LPP: variants seen among roughly 807,000 people sequenced by gnomAD.
LPP encodes lipoma-preferred partner.
A neutral mutation model predicts 60.4 loss-of-function variants in LPP; 38 were observed. The ratio of observed to expected loss-of-function variants is 0.63; its 90% CI spans 0.49 to 0.83. The LOEUF (loss-of-function observed/expected upper bound fraction) is 0.83. LPP is among the 40% of genes least tolerant of loss of function. The pLI is 0.00. For synonymous variants in LPP, 328 were observed against 290.8 expected (o/e 1.13, Z -1.30); for missense variants, 902 against 783.6 (o/e 1.15, Z -1.80).
Position 188,638,921 on chromosome 3 carries a change from G to A in LPP, c.1113+29077G>A, listed in dbSNP as rs552110924. The stretch of plus-strand genomic sequence containing the variant: ...CTCATGGATAAGAAGAATCAATATT[G>A]TGAAAATGGCCATACTGCCCAAGGT... On this transcript the variant is annotated intron_variant, in intron 7 of 11. Coordinates refer to ENST00000617246, the MANE Select transcript of LPP (RefSeq NM_001375462.1). Among the ~76,000 whole-genome samples the A allele has an allele frequency of 2.2e-4, 33 of 152,248 alleles. No homozygotes were observed. In the East Asian group the frequency reaches 5.4e-3, roughly 25 times the overall value.
chr3:188,258,158 A>G (rs1732299178), intron 2 of LPP, among the ~76,000 whole-genome samples: 1 of 152,198 alleles, frequency 6.6e-6, no homozygotes. Context: ...GAGACCTGAA[A>G]AGGAACTGGT....
At chr3:188,349,722 T>G (rs767750331) in intron 3 of LPP, among the ~76,000 whole-genome samples, 2 of 152,238 alleles carry the variant, frequency 1.3e-5, no homozygotes, top group Non-Finnish European at 2.9e-5. Context: ...ACTTTGTCTA[T>G]ACAACATTTT....
intron 6 of LPP, among the ~76,000 whole-genome samples, chr3:188,539,903 G>GA (rs1824688205): frequency 6.6e-6 from 1 of 151,984 alleles, no homozygotes; most frequent in Non-Finnish European, 1.5e-5. Flanking sequence ...TCTCATTCTT[G>GA]GAGTTTTCTG....
chr3:188,796,053 AACAG>A (rs1374305288), intron 9 of LPP, among the ~76,000 whole-genome samples: 1 of 152,206 alleles, frequency 6.6e-6, no homozygotes, highest in African/African-American at 2.4e-5. Flanking sequence ...GGTGAGCAAA[AACAG>A]ACAAGTGGCC....
intron 6 of LPP, among the ~76,000 whole-genome samples, chr3:188,597,420 G>C (rs1560613565): frequency 6.6e-6 from 1 of 152,076 alleles, no homozygotes. Flanking sequence ...AGAGTTTCCT[G>C]AGAGATGGGA....
intron 5 of LPP, among the ~76,000 whole-genome samples, chr3:188,509,815 C>T (rs1198109305): frequency 1.3e-5 from 2 of 151,194 alleles, no homozygotes; most frequent in East Asian, 3.9e-4. Flanking sequence ...GTTTCAGCTT[C>T]CCAAGTAGCT....
At position 188,874,790 on chromosome 3, in the gene LPP, T is replaced by A. The variant is rs911686584; in HGVS notation, c.*311T>A. The stretch of plus-strand genomic sequence containing the variant: ...ATCCCTATGTTTGTCTCACTTTTCA[T>A]CTGGTTGAATGGCTTTTCTTAGTGT... On this transcript the variant is annotated 3_prime_UTR_variant, in exon 12 of 12. Transcript: ENST00000617246. 9 of 266,518 alleles carry A rather than the reference T, an allele frequency of 3.4e-5. No homozygotes were observed. Among genetic ancestry groups the A allele is most frequent in the African/African-American group, 6.4e-5 (3 of 46,712 alleles). 16.5% of individuals were successfully genotyped at this position (266,518 alleles called of 1,614,324 possible). A position where few individuals can be genotyped will look rare whatever the true frequency, so the allele number is the denominator to read the frequency against.
chr3:188,310,919 T>C (rs1753194488), intron 2 of LPP, among the ~76,000 whole-genome samples: 1 of 152,162 alleles, frequency 6.6e-6, no homozygotes, highest in South Asian at 2.1e-4. Flanking sequence ...GCTAAGTGCT[T>C]TATTATAAGT....
intron 7 of LPP, among the ~76,000 whole-genome samples, chr3:188,621,353 T>C (rs1022632155): frequency 6.6e-6 from 1 of 152,220 alleles, no homozygotes; most frequent in African/African-American, 2.4e-5. Context: ...GTGGTGTCTG[T>C]TATTCTCAAG....
At chr3:188,420,065 G>A (rs928393957) in intron 4 of LPP, among the ~76,000 whole-genome samples, 1 of 151,298 alleles carries the variant, frequency 6.6e-6, no homozygotes, top group Non-Finnish European at 1.5e-5. Context: ...AGCTCTGAGG[G>A]TTCTATCCAT....
chr3:188,675,736 C>T (rs1020671068), intron 7 of LPP, among the ~76,000 whole-genome samples: 1 of 152,194 alleles, frequency 6.6e-6, no homozygotes, highest in African/African-American at 2.4e-5. Flanking sequence ...TTCTAAAGTT[C>T]TTAGTGAGCT....
chr3:188,568,959 T>G (rs958764329), intron 6 of LPP: 3 of 151,824 alleles, frequency 2.0e-5, no homozygotes, highest in African/African-American at 7.3e-5. Context: ...CAATGAAGAT[T>G]GAGGTCAGCT....
At chr3:188,861,254 C>G (rs1463445351) in intron 9 of LPP, among the ~76,000 whole-genome samples, 1 of 152,162 alleles carries the variant, frequency 6.6e-6, no homozygotes, top group African/African-American at 2.4e-5. Flanking sequence ...TTCTAACTCT[C>G]TCTTTTTTTC....
At chr3:188,670,304 A>G (rs1371185043) in intron 7 of LPP, among the ~76,000 whole-genome samples, 1 of 152,340 alleles carries the variant, frequency 6.6e-6, no homozygotes, top group East Asian at 1.9e-4. Context: ...TCACACTATT[A>G]AAGTTAGAAG....
rs71169022 is a variant in LPP at position 188,828,614 on chromosome 3, CAAAAAAAAAA to C, written c.1411-37569_1411-37560del. On this transcript the variant is annotated intron_variant, in intron 9 of 11. Transcript: ENST00000617246. ...TGGCAACAAGAGCGAAACTCTGTCT[CAAAAAAAAAA>C]AAAAAAAAAAAAAAAACTCAGCTGC... 6.4e-4 allele frequency among the ~76,000 whole-genome samples: 20 copies of C among 31,340 alleles called. No individual in the cohort carries two copies. In the South Asian group the frequency reaches 7.5e-3, roughly 12 times the overall value. The allele number at this position is 31,340 out of a possible 152,430, so 20.6% of individuals were successfully genotyped here.
intron 2 of LPP, among the ~76,000 whole-genome samples, chr3:188,264,946 T>A (rs1277318886): frequency 6.6e-6 from 1 of 152,148 alleles, no homozygotes; most frequent in African/African-American, 2.4e-5. Context: ...ATAAAAATGA[T>A]GTGTCTTAGA....
intron 1 of LPP, chr3:188,208,223 T>C (rs1378984505): frequency 6.6e-6 from 1 of 152,146 alleles, no homozygotes; most frequent in Non-Finnish European, 1.5e-5. Flanking sequence ...TCCTGACAAG[T>C]GGCATGTTGG....
intron 9 of LPP, among the ~76,000 whole-genome samples, chr3:188,840,281 A>T (rs1759599366): frequency 6.6e-6 from 1 of 152,156 alleles, no homozygotes; most frequent in African/African-American, 2.4e-5. Flanking sequence ...TCAACAGAGA[A>T]TTTGGGGTCA....
chr3:188,317,922 G>A (rs919763917), intron 2 of LPP, among the ~76,000 whole-genome samples: 2 of 152,278 alleles, frequency 1.3e-5, no homozygotes, highest in Non-Finnish European at 2.9e-5. Context: ...GTGGAGTACC[G>A]ATCTGGAGAC....
Sources: gnomAD v4.1 joint callset for allele counts (sites outside exome capture counted in the v4.1 genomes callset) on GRCh38, gnomAD v4.1.1 for gene constraint, MANE v1.5 for transcripts, NCBI Gene and HGNC (gene_info 2026-07-23, HGNC 2026-07-21) for gene names.